The following STXBP4 variants were observed in gnomAD, a reference collection of about 807,000 sequenced individuals.
The protein encoded by STXBP4 is syntaxin binding protein 4.
In STXBP4, 55 loss-of-function variants were observed where a neutral mutation model predicts 76.1. That is an observed-to-expected ratio of 0.72 (90% CI 0.58 to 0.91). The LOEUF is 0.91. STXBP4 is among the 40% of genes least tolerant of loss of function. The pLI, the probability that STXBP4 is intolerant of heterozygous loss-of-function variation, is 0.00. For synonymous variants in STXBP4, 201 were observed against 220.2 expected, an observed-to-expected ratio of 0.91 and a Z score of 0.77; for missense variants, 618 against 636.9, an observed-to-expected ratio of 0.97 and a Z score of 0.32.
At chr17:55,185,260 T>TCTTCTTCTC in the STXBP4 span, among the ~76,000 whole-genome samples, 1 of 50,656 alleles carries the variant, frequency 2.0e-5, no homozygotes, top group African/African-American at 9.8e-5. Context: ...TCCTTCTCCT[T>TCTTCTTCTC]CTCCTTCTCC....
intron 1 of STXBP4, among the ~76,000 whole-genome samples, chr17:54,970,884 T>G (rs2077389690): frequency 6.6e-6 from 1 of 152,248 alleles, no homozygotes; most frequent in South Asian, 2.1e-4. Flanking sequence ...TCTTTGTAGC[T>G]TTCTACTTTA....
intron 12 of STXBP4, among the ~76,000 whole-genome samples, chr17:55,057,433 A>G (rs1192941935): frequency 6.6e-6 from 1 of 152,248 alleles, no homozygotes. Context: ...AATCAGCTTG[A>G]GAAAACTAAG....
chr17:55,088,200 G>A (rs544742773), intron 16 of STXBP4, among the ~76,000 whole-genome samples: 26 of 152,130 alleles, frequency 1.7e-4, no homozygotes, highest in Non-Finnish European at 1.0e-4. Context: ...CTACCATGAG[G>A]TAGATAATTC....
chr17:55,137,318 A>C (rs1365995256), intron 16 of STXBP4, among the ~76,000 whole-genome samples: 1 of 122,718 alleles, frequency 8.1e-6, no homozygotes, highest in African/African-American at 3.1e-5. Context: ...TGCTCTGCTC[A>C]GCATGTTGGA....
At chr17:55,097,655 T>G (rs2079508894) in intron 16 of STXBP4, among the ~76,000 whole-genome samples, 1 of 141,358 alleles carries the variant, frequency 7.1e-6, no homozygotes, top group African/African-American at 2.5e-5. Context: ...AGAGCAAGAC[T>G]CCATCTCAAA....
intron 16 of STXBP4, among the ~76,000 whole-genome samples, chr17:55,087,881 G>A (rs1030105571): frequency 1.3e-5 from 2 of 152,078 alleles, no homozygotes; most frequent in African/African-American, 4.8e-5. Context: ...CTGTGAGCAT[G>A]GGATATCCTT....
rs917290183 is a variant in STXBP4, at chr17:55,160,542, C to A, written c.*631C>A. ...TTCTTGGTTTTCAGTAGGGAAATAGCAGTTCAGAGAGAGGAAGCTCTCTGT... is the reference window on the plus strand; with the variant it reads ...TTCTTGGTTTTCAGTAGGGAAATAGAAGTTCAGAGAGAGGAAGCTCTCTGT... On this transcript the variant is annotated 3_prime_UTR_variant, in exon 18 of 18. Transcript: ENST00000376352. 4 of 152,652 alleles carry A rather than the reference C, an allele frequency of 2.6e-5. No individual in the cohort carries two copies. The highest frequency in any genetic ancestry group is 9.7e-5 in the African/African-American group (4 of 41,422). 9.5% of individuals were successfully genotyped at this position (152,652 alleles called of 1,614,324 possible). A position where few individuals can be genotyped will look rare whatever the true frequency, so the allele number is the denominator to read the frequency against.
chr17:55,141,387 C>T lies in STXBP4; in HGVS notation c.1547+20C>T. On this transcript the variant is annotated intron_variant, in intron 17 of 17. Transcript: ENST00000376352. ...CATCAAGTAAGTACAAGCATCTCAA[C>T]CAAGTAAGCAATTTTCTTCACATCT... The T allele has an allele frequency of 6.2e-7, 1 of 1,601,288 alleles. No homozygotes were observed. Among genetic ancestry groups the T allele is most frequent in the Non-Finnish European group, 8.5e-7 (1 of 1,174,096 alleles).
chr17:55,207,087 C>T, the STXBP4 span, among the ~76,000 whole-genome samples: 1 of 152,118 alleles, frequency 6.6e-6, no homozygotes, highest in Non-Finnish European at 1.5e-5. Context: ...GGGGTCCCTC[C>T]ACCCTAACAG....
At chr17:54,991,996 ATT>A (rs2077725494) in intron 4 of STXBP4, 1 of 152,032 alleles carries the variant, frequency 6.6e-6, no homozygotes, top group South Asian at 2.1e-4. Context: ...TTTCAGCTGG[ATT>A]TTTTTGTCTT....
At chr17:55,210,568 C>A in the STXBP4 span, among the ~76,000 whole-genome samples, 1 of 152,044 alleles carries the variant, frequency 6.6e-6, no homozygotes, top group African/African-American at 2.4e-5. Flanking sequence ...ACTCAGTGTG[C>A]CAATTTAAAA....
At chr17:55,194,353 GTA>G in the STXBP4 span, among the ~76,000 whole-genome samples, 1 of 151,670 alleles carries the variant, frequency 6.6e-6, no homozygotes, top group South Asian at 2.1e-4. Context: ...TATGTGTTGT[GTA>G]TATATATATA....
chr17:55,004,851 T>G (rs1026240020), intron 7 of STXBP4, among the ~76,000 whole-genome samples: 2 of 152,034 alleles, frequency 1.3e-5, no homozygotes, highest in Admixed American at 1.3e-4. Flanking sequence ...TAAGCCATAC[T>G]TAGAAAAACT....
At chr17:55,141,244 G>T (rs749077580) in intron 16 of STXBP4, 66 bp from the exon 17 acceptor site, 4 of 1,308,402 alleles carry the variant, frequency 3.1e-6, no homozygotes, top group East Asian at 2.3e-5. Flanking sequence ...AGGGAGGTTT[G>T]TGTCCAGGAA....
intron 10 of STXBP4, among the ~76,000 whole-genome samples, chr17:55,038,861 C>T (rs2078648318): frequency 6.6e-6 from 1 of 152,016 alleles, no homozygotes; most frequent in Non-Finnish European, 1.5e-5. Context: ...ATTTAGTGGG[C>T]TGCGACTACC....
chr17:54,992,919 G>C (rs972834912), intron 4 of STXBP4, among the ~76,000 whole-genome samples: 3 of 151,830 alleles, frequency 2.0e-5, no homozygotes, highest in African/African-American at 7.3e-5. Context: ...CACCATGTTG[G>C]CCAGGCTAGT....
At chr17:55,175,001 G>A (rs971332473), downstream of STXBP4, among the ~76,000 whole-genome samples, 8 of 151,588 alleles carry the variant, frequency 5.3e-5, no homozygotes, top group Non-Finnish European at 1.2e-4. Flanking sequence ...TTCAGCCTGC[G>A]ACAGAGCGAG....
chr17:54,994,955 T>G (rs1363651065), intron 4 of STXBP4, among the ~76,000 whole-genome samples: 1 of 152,122 alleles, frequency 6.6e-6, no homozygotes, highest in Non-Finnish European at 1.5e-5. Context: ...CTAGGTTTTA[T>G]TTTTTTCTAC....
chr17:55,030,253 G>A (rs879915512), intron 8 of STXBP4, among the ~76,000 whole-genome samples: 3 of 152,044 alleles, frequency 2.0e-5, no homozygotes, highest in East Asian at 1.9e-4. Context: ...TCTTTACTGC[G>A]GTACCACATG....
Sources: allele counts gnomAD v4.1 joint callset (sites outside exome capture counted in the v4.1 genomes callset), GRCh38; gene constraint gnomAD v4.1.1; transcripts MANE v1.5; gene names NCBI Gene and HGNC (gene_info 2026-07-23, HGNC 2026-07-21).